The following SYDE2 variants were observed in gnomAD, a reference collection of about 807,000 sequenced individuals.
SYDE2 encodes the protein synapse defective Rho GTPase homolog 2, also known as rho GTPase-activating protein SYDE2.
In SYDE2, 76 loss-of-function variants were observed where a neutral mutation model predicts 91.5. The observed-to-expected ratio is 0.83, with a 90% CI of 0.69 to 1.01. The LOEUF (loss-of-function observed/expected upper bound fraction) is 1.01, where lower values mean the gene tolerates loss of function less well. Among genes scored for constraint, SYDE2 ranks in the 50% least tolerant of loss-of-function variants. SYDE2 has a pLI of 0.00. For synonymous variants in SYDE2, 513 were observed against 506.4 expected (o/e 1.01, Z -0.18); for missense variants, 1,364 against 1,367.7 (o/e 1.00, Z 0.04).
intron 1 of SYDE2, chr1:85,194,968 G>A (rs914718603): frequency 3.6e-6 from 1 of 276,884 alleles, no homozygotes; most frequent in African/African-American, 2.3e-5. Flanking sequence ...AGACCATCCT[G>A]GCTAACACGG....
chr1:85,176,341 T>C (rs2100662490), intron 4 of SYDE2, among the ~76,000 whole-genome samples: 1 of 152,260 alleles, frequency 6.6e-6, no homozygotes, highest in Non-Finnish European at 1.5e-5. Context: ...TGTTAAAATA[T>C]GTAAGAAAAA....
chr1:85,199,708 T>G (rs1658734566), intron 1 of SYDE2, among the ~76,000 whole-genome samples: 1 of 152,126 alleles, frequency 6.6e-6, no homozygotes, highest in Non-Finnish European at 1.5e-5. Context: ...GGTAGGGTTT[T>G]TTTTGTTTGA....
chr1:85,159,870 G>A (rs1557739111), intron 6 of SYDE2: 1 of 983,548 alleles, frequency 1.0e-6, no homozygotes, highest in Non-Finnish European at 1.2e-6. Flanking sequence ...TTTATTGCCT[G>A]GAAATAGTAC....
chr1:85,183,439 TAGAG>T (rs915442459), intron 2 of SYDE2, among the ~76,000 whole-genome samples: 6 of 152,218 alleles, frequency 3.9e-5, no homozygotes, highest in African/African-American at 7.2e-5. Context: ...TTATTCCTTA[TAGAG>T]AAAGATCTAA....
At chr1:85,161,324 C>T (rs528113939) in intron 6 of SYDE2, among the ~76,000 whole-genome samples, 1 of 151,840 alleles carries the variant, frequency 6.6e-6, no homozygotes, top group Non-Finnish European at 1.5e-5. Context: ...AAAAAGAATC[C>T]CCAATGTCAC....
chr1:85,173,304 C>T (rs1273089082), intron 4 of SYDE2, among the ~76,000 whole-genome samples: 1 of 152,064 alleles, frequency 6.6e-6, no homozygotes, highest in Non-Finnish European at 1.5e-5. Context: ...AAAGGGCTGT[C>T]AAAGGTTGCC....
chr1:85,165,099 T>C (rs1181175450), intron 5 of SYDE2, among the ~76,000 whole-genome samples: 2 of 152,080 alleles, frequency 1.3e-5, no homozygotes, highest in African/African-American at 4.8e-5. Flanking sequence ...CCGGGCATGA[T>C]GGCGGGTGCC....
intron 4 of SYDE2, among the ~76,000 whole-genome samples, chr1:85,176,168 T>A (rs934629601): frequency 5.9e-5 from 8 of 136,490 alleles, no homozygotes; most frequent in Non-Finnish European, 1.1e-4. Context: ...TGCTGGAAAT[T>A]TGTATTTATA....
intron 4 of SYDE2, among the ~76,000 whole-genome samples, chr1:85,172,993 G>A (rs977735890): frequency 1.3e-5 from 2 of 152,172 alleles, no homozygotes; most frequent in African/African-American, 4.8e-5. Context: ...TGCAGCCAGA[G>A]TGGAAAACTT....
intron 6 of SYDE2, chr1:85,160,197 A>C (rs115847127): frequency 0.015 from 14,395 of 984,148 alleles, 138 homozygotes; most frequent in Admixed American, 0.017. Flanking sequence ...AACATAAATC[A>C]GTGATAACAC....
intron 4 of SYDE2, among the ~76,000 whole-genome samples, chr1:85,172,963 G>A (rs1244595504): frequency 1.3e-5 from 2 of 152,130 alleles, no homozygotes; most frequent in Non-Finnish European, 2.9e-5. Context: ...TTCATAGTGT[G>A]GGCAATCACT....
intron 6 of SYDE2, 49 bp downstream of exon 6, chr1:85,164,477 C>A: frequency 7.9e-7 from 1 of 1,262,998 alleles, no homozygotes; most frequent in Non-Finnish European, 1.1e-6. Flanking sequence ...TTAGTTAATT[C>A]AAATACCCTA....
intron 6 of SYDE2, among the ~76,000 whole-genome samples, chr1:85,163,445 C>CTAGA (rs1553170237): frequency 1.1e-5 from 1 of 87,608 alleles, no homozygotes; most frequent in African/African-American, 3.4e-5. Context: ...GTACTTTAAT[C>CTAGA]TATATATATA....
In SYDE2 at chr1:85,200,359, G is replaced by A. The variant is rs774119586; in HGVS notation, c.638C>T (p.Ala213Val). ...LGMKGRARGT[A>V]PKVTGTQAAS... is the part of the protein sequence containing the mutation. The stretch of plus-strand genomic sequence containing the variant: ...TGCCTGCGTTCCTGTGACTTTGGGA[G>A]CCGTCCCACGGGCACGACCCTTCAT... Residue 213 changes from alanine (A) to valine (V), a missense_variant, in exon 1 of 7, where the codon GCT becomes GTT. Physicochemically the swap from Ala to Val is moderately conservative, Grantham distance 64. Transcript: ENST00000341460. 6 of 1,613,898 alleles carry A rather than the reference G, an allele frequency of 3.7e-6. No homozygotes were observed. Among genetic ancestry groups the A allele is most frequent in the Non-Finnish European group, 4.2e-6 (5 of 1,179,912 alleles).
chr1:85,167,383 A>C (rs1167456921), intron 5 of SYDE2, among the ~76,000 whole-genome samples: 1 of 152,228 alleles, frequency 6.6e-6, no homozygotes, highest in Non-Finnish European at 1.5e-5. Context: ...AATCACTCAA[A>C]ATCTAAATAT....
chr1:85,184,008 T>C (rs1195267746), intron 2 of SYDE2, among the ~76,000 whole-genome samples: 1 of 152,212 alleles, frequency 6.6e-6, no homozygotes, highest in East Asian at 1.9e-4. Flanking sequence ...AAAGCCAAAA[T>C]GCTTTGTTTT....
chr1:85,159,272 C>T (rs1571221763), intron 6 of SYDE2, 23 bp from the exon 7 acceptor site: 2 of 770,772 alleles, frequency 2.6e-6, no homozygotes, highest in East Asian at 2.4e-5. Context: ...AATAATTTTG[C>T]TTTAGTGACA....
chr1:85,193,094 T>G (rs1057276968), intron 1 of SYDE2, among the ~76,000 whole-genome samples: 1 of 152,238 alleles, frequency 6.6e-6, no homozygotes, highest in Non-Finnish European at 1.5e-5. Context: ...TGGTGATATA[T>G]CTAGGCTACT....
chr1:85,160,562 T>C (rs886114665), intron 6 of SYDE2: 1 of 983,332 alleles, frequency 1.0e-6, no homozygotes. Flanking sequence ...CATCAACTGA[T>C]GTAAGTGCAG....
Sources: allele counts gnomAD v4.1 joint callset (sites outside exome capture counted in the v4.1 genomes callset), GRCh38; gene constraint gnomAD v4.1.1; transcripts MANE v1.5; gene names NCBI Gene and HGNC (gene_info 2026-07-23, HGNC 2026-07-21).